SQSTM1: variants seen among roughly 807,000 people sequenced by gnomAD.
The protein encoded by SQSTM1 is sequestosome 1.
In SQSTM1, 36 loss-of-function variants were observed where a neutral mutation model predicts 45.1. The observed-to-expected ratio is 0.80, with a 90% CI of 0.61 to 1.05. SQSTM1 has a LOEUF of 1.05. Ranked by LOEUF, SQSTM1 falls within the 50% of genes least tolerant of loss-of-function variation. SQSTM1 has a pLI of 0.00. For missense variants in SQSTM1, 617 were observed against 607.1 expected, an observed-to-expected ratio of 1.02 and a Z score of -0.17; for synonymous variants, 290 against 244.3, an observed-to-expected ratio of 1.19 and a Z score of -1.74.
Position 179,837,116 on chromosome 5 carries a change from G to A in SQSTM1, c.*523G>A, listed in dbSNP as rs967761589. 1 of 1,112,316 alleles carries A rather than the reference G, an allele frequency of 9.0e-7. No individual in the cohort carries two copies. The highest frequency in any genetic ancestry group is 2.6e-5 in the East Asian group (1 of 38,986). 68.9% of individuals were successfully genotyped at this position (1,112,316 alleles called of 1,614,324 possible). On this transcript the variant is annotated 3_prime_UTR_variant, in exon 8 of 8. Coordinates refer to ENST00000389805, the MANE Select transcript of SQSTM1 (RefSeq NM_003900.5). ...GGGCATCCGCAATGTTGGTTTCACT[G>A]AGAGCTGCCTCCTGGTCTCTTCACC...
At chr5:179,816,021 G>T (rs1217556562), upstream of SQSTM1, among the ~76,000 whole-genome samples, 1 of 152,144 alleles carries the variant, frequency 6.6e-6, no homozygotes, top group African/African-American at 2.4e-5. Context: ...GGGGAAGAGC[G>T]GGCACTGGGC....
chr5:179,824,200 T>C lies in SQSTM1; in HGVS notation c.550T>C (p.Trp184Arg), dbSNP rs1190110794. Residue 184 changes from tryptophan (W) to arginine (R), a missense_variant, in exon 4 of 8, where the codon TGG becomes CGG. Physicochemically the swap from Trp to Arg is moderately radical, Grantham distance 101. Coordinates refer to ENST00000389805, the MANE Select transcript of SQSTM1 (RefSeq NM_003900.5). ...CCCCCAGGGCTTCTCGCACAGCCGC[T>C]GGCTCCGGAAGGTGAAACACGGACA... is the stretch of plus-strand genomic sequence containing the variant. ...HLSEGFSHSR[W>R]LRKVKHGHFG... 1 of 1,613,848 alleles carries C rather than the reference T, an allele frequency of 6.2e-7. No individual in the cohort carries two copies.
At chr5:179,823,445 CAAAAAAAAAAAAAAAAAAAAAAAAA>C in intron 2 of SQSTM1, 2 of 50,644 alleles carry the variant, frequency 3.9e-5, no homozygotes, top group South Asian at 4.6e-4. Flanking sequence ...GCCTAGGCGA[CAAAAAAAAAAAAAAAAAAAAAAAAA>C]AAAAAAAAAA....
intron 2 of SQSTM1, chr5:179,823,445 CAAAAAAAAAAAAAAAAA>C (rs59899831): frequency 2.0e-3 from 114 of 55,866 alleles, no homozygotes; most frequent in South Asian, 6.8e-3. Context: ...GCCTAGGCGA[CAAAAAAAAAAAAAAAAA>C]AAAAAAAAAA....
chr5:179,827,680 T>C (rs1381673246), intron 5 of SQSTM1, among the ~76,000 whole-genome samples: 1 of 152,236 alleles, frequency 6.6e-6, no homozygotes, highest in African/African-American at 2.4e-5. Context: ...AAACAAGGAA[T>C]ATTTCAGTAA....
Position 179,822,991 on chromosome 5 carries a change from A to G in SQSTM1, c.239A>G (p.Asp80Gly), listed in dbSNP as rs780177259. Reference protein sequence around the residue: ...EDGDLVAFSSDEELTMAMSYV... With the variant: ...EDGDLVAFSSGEELTMAMSYV... ...GGGGACTTGGTTGCCTTTTCCAGTG[A>G]CGAGGAATTGACAATGGCCATGTCC... Residue 80 changes from aspartate to glycine, a missense_variant, in exon 2 of 8, where the codon GAC becomes GGC. Physicochemically the swap from Asp to Gly is moderately conservative, Grantham distance 94. Coordinates refer to ENST00000389805, the MANE Select transcript of SQSTM1 (RefSeq NM_003900.5). 5 of 1,614,080 alleles carry G rather than the reference A, an allele frequency of 3.1e-6. No homozygotes were observed. The highest frequency in any genetic ancestry group is 4.2e-6 in the Non-Finnish European group (5 of 1,179,976).
At chr5:179,822,782 A>C (rs751463246) in intron 1 of SQSTM1, 176 bp from the exon 2 acceptor site, 11 of 687,162 alleles carry the variant, frequency 1.6e-5, no homozygotes, top group Non-Finnish European at 2.9e-5. Context: ...ACCTTCCAGG[A>C]GGTGCCAGAG....
At position 179,837,970 on chromosome 5, in the gene SQSTM1, T is replaced by A; in HGVS notation, c.*1377T>A. The A allele has an allele frequency of 1.5e-6, 2 of 1,328,778 alleles. No individual in the cohort carries two copies. Among genetic ancestry groups the A allele is most frequent in the Non-Finnish European group, 2.1e-6 (2 of 973,884 alleles). 82.3% of individuals were successfully genotyped at this position (1,328,778 alleles called of 1,614,324 possible). A position where few individuals can be genotyped will look rare whatever the true frequency, so the allele number is the denominator to read the frequency against. ...CCGCCTGCCCTGCCTGGGCCTTGGC[T>A]GGGCCTCTGGTTCTGACACTTTCTG... On this transcript the variant is annotated 3_prime_UTR_variant, in exon 8 of 8. Transcript: ENST00000389805.
rs756626155 is a variant in SQSTM1 at position 179,833,736 on chromosome 5, A to G, written c.1119A>G (p.Gly373=). 1.2e-6 allele frequency: 2 copies of G among 1,614,096 alleles called. No homozygotes were observed. The highest frequency in any genetic ancestry group is 1.7e-6 in the Non-Finnish European group (2 of 1,180,004). Residue 373 remains glycine (G), a synonymous_variant, in exon 7 of 8, where the codon GGA becomes GGG. Coordinates refer to ENST00000389805, the MANE Select transcript of SQSTM1 (RefSeq NM_003900.5). ...GCTCTCTGGACCCCTCCCAGGAGGG[A>G]CCCACAGGGCTGAAGGAAGCTGCCT... The part of the protein sequence containing the change: ...GPSSLDPSQE[G]PTGLKEAALY...
In SQSTM1 at chr5:179,834,235, G is replaced by A. The variant is rs564019513; in HGVS notation, c.1165+453G>A. On this transcript the variant is annotated intron_variant, in intron 7 of 7. Transcript: ENST00000389805. ...GAAGTGGATGGTGTGGCAGGCAGCA[G>A]TGGGGGGGTGGGGGGTGGGGACAGC... 1.6e-3 allele frequency among the ~76,000 whole-genome samples: 142 copies of A among 90,568 alleles called. 4 individuals are homozygous for A. The highest frequency in any genetic ancestry group is 0.011 in the Admixed American group (106 of 9,756). 59.4% of individuals were successfully genotyped at this position (90,568 alleles called of 152,430 possible).
Position 179,806,507 on chromosome 5 carries a change from G to C in SQSTM1, c.-241G>C. The C allele has an allele frequency of 7.5e-7, 1 of 1,325,718 alleles. No individual in the cohort carries two copies. The highest frequency in any genetic ancestry group is 9.9e-7 in the Non-Finnish European group (1 of 1,012,436). The allele number at this position is 1,325,718 out of a possible 1,614,324, so 82.1% of individuals were successfully genotyped here. A position where few individuals can be genotyped will look rare whatever the true frequency, so the allele number is the denominator to read the frequency against. On this transcript the variant is annotated 5_prime_UTR_variant, in exon 1 of 6. Coordinates refer to the SQSTM1 transcript ENST00000514093. The surrounding 1 kb of genome is among the most constrained non-coding windows in gnomAD (Gnocchi z 4.6). The stretch of plus-strand genomic sequence containing the variant: ...CTCACCTTTCTGGCCGCTGAGTGCC[G>C]CGTACCAGGACAGCGAGAGGAAGGC...
At chr5:179,812,947 A>G (rs1757473162) in intron 2 of SQSTM1, 1 of 151,200 alleles carries the variant, frequency 6.6e-6, no homozygotes, top group Non-Finnish European at 1.5e-5. Context: ...GCATTTCAAT[A>G]TTAATTTTTT....
At chr5:179,823,445 CAAAAAAAAAAAAAAAAAAAAAAA>C (rs59899831) in intron 2 of SQSTM1, 1 of 50,646 alleles carries the variant, frequency 2.0e-5, no homozygotes, top group East Asian at 5.9e-4. Context: ...GCCTAGGCGA[CAAAAAAAAAAAAAAAAAAAAAAA>C]AAAAAAAAAA....
chr5:179,825,017 G>T (rs1757935713), intron 4 of SQSTM1, 129 bp from the exon 5 acceptor site: 1 of 852,036 alleles, frequency 1.2e-6, no homozygotes, highest in African/African-American at 1.7e-5. Context: ...TGCTGAGTGG[G>T]TCACTGGACA....
In SQSTM1 at chr5:179,837,751, G is replaced by T. The variant is rs1473168719; in HGVS notation, c.*1158G>T. The T allele has an allele frequency of 6.2e-7, 1 of 1,614,258 alleles. No individual in the cohort carries two copies. The highest frequency in any genetic ancestry group is 1.3e-5 in the African/African-American group (1 of 75,074). On this transcript the variant is annotated 3_prime_UTR_variant, in exon 8 of 8. Coordinates refer to ENST00000389805, the MANE Select transcript of SQSTM1 (RefSeq NM_003900.5). The stretch of plus-strand genomic sequence containing the variant: ...CAAATTGCGCCCATTTAGAGGATGT[G>T]GCTGTAACCTGCTGGATGGGACTCC...
chr5:179,833,640 G>A lies in SQSTM1; in HGVS notation c.1023G>A (p.Leu341=). Residue 341 remains leucine, a synonymous_variant, in exon 7 of 8, where the codon CTG becomes CTA. Transcript: ENST00000389805. ...CSGGDDDWTH[L]SSKEVDPSTG... ...GAGGAGATGATGACTGGACCCATCT[G>A]TCTTCAAAAGAAGTGGACCCGTCTA... 1 of 1,614,156 alleles carries A rather than the reference G, an allele frequency of 6.2e-7. No homozygotes were observed.
At chr5:179,832,951 A>C in intron 5 of SQSTM1, 81 bp from the exon 6 acceptor site, 1 of 1,387,724 alleles carries the variant, frequency 7.2e-7, no homozygotes, top group Non-Finnish European at 1.0e-6. Flanking sequence ...GTGAGTCTGT[A>C]GTCTCCACAG....
rs781024263 is a variant in SQSTM1 at position 179,837,770 on chromosome 5, G to A, written c.*1177G>A. 1 of 1,614,188 alleles carries A rather than the reference G, an allele frequency of 6.2e-7. No individual in the cohort carries two copies. Among genetic ancestry groups the A allele is most frequent in the South Asian group, 1.1e-5 (1 of 91,092 alleles). On this transcript the variant is annotated 3_prime_UTR_variant, in exon 8 of 8. Coordinates refer to ENST00000389805, the MANE Select transcript of SQSTM1 (RefSeq NM_003900.5). Reference sequence around the variant, plus strand: ...GGATGTGGCTGTAACCTGCTGGATGGGACTCCATAGCTCCTTCCCAGGACC... The same window carrying A: ...GGATGTGGCTGTAACCTGCTGGATGAGACTCCATAGCTCCTTCCCAGGACC...
chr5:179,832,882 C>T (rs146554613), intron 5 of SQSTM1, 150 bp from the exon 6 acceptor site: 16,630 of 782,514 alleles, frequency 0.021, 255 homozygotes, highest in Non-Finnish European at 0.027. Context: ...TGCATCCACA[C>T]GCTGAGTGCC....
Sources: allele counts gnomAD v4.1 joint callset (sites outside exome capture counted in the v4.1 genomes callset), GRCh38; gene constraint gnomAD v4.1.1; non-coding constraint Gnocchi (gnomAD v3.1); transcripts MANE v1.5; gene names NCBI Gene and HGNC (gene_info 2026-07-23, HGNC 2026-07-21).